Variants in NRDE2 observed in about 807,000 individuals in gnomAD.
The protein encoded by NRDE2 is nuclear exosome regulator NRDE2.
Under a neutral mutation model 124.2 loss-of-function variants are expected in NRDE2, and 76 were observed. The observed-to-expected ratio is 0.61, with a 90% CI of 0.51 to 0.74. The LOEUF (loss-of-function observed/expected upper bound fraction) is 0.74, where lower values mean the gene tolerates loss of function less well. NRDE2 is among the 30% of genes least tolerant of loss of function. NRDE2 has a pLI of 0.00. For missense variants in NRDE2, 1,314 were observed against 1,417.3 expected (o/e 0.93, Z 1.17); for synonymous variants, 489 against 528.1 (o/e 0.93, Z 1.01).
chr14:90,292,224 C>G (rs1402694721), intron 9 of NRDE2, among the ~76,000 whole-genome samples: 1 of 152,204 alleles, frequency 6.6e-6, no homozygotes, highest in Non-Finnish European at 1.5e-5. Context: ...AACATGGACC[C>G]TACGGCCAGT....
At chr14:90,308,078 G>A (rs950379162) in intron 4 of NRDE2, among the ~76,000 whole-genome samples, 7 of 152,264 alleles carry the variant, frequency 4.6e-5, no homozygotes, top group African/African-American at 1.4e-4. Flanking sequence ...TTAGAAGAGT[G>A]TCTGCCATAT....
chr14:90,270,601 C>T lies in NRDE2; in HGVS notation c.*7735G>A. On this transcript the variant is annotated 3_prime_UTR_variant, in exon 14 of 14. Transcript: ENST00000354366. The stretch of plus-strand genomic sequence containing the variant: ...CAAGGCTGAGTCGCTGGTACTAAGC[C>T]TTAGGCCCAGGTGACTTTCTCAAGG... 2.7e-6 allele frequency: 1 copy of T among 370,666 alleles called. No individual in the cohort carries two copies. The highest frequency in any genetic ancestry group is 4.8e-6 in the Non-Finnish European group (1 of 208,676). The allele number at this position is 370,666 out of a possible 1,614,324, so 23.0% of individuals were successfully genotyped here. A position where few individuals can be genotyped will look rare whatever the true frequency, so the allele number is the denominator to read the frequency against.
In NRDE2 at chr14:90,270,838, G is replaced by A. The variant is rs1396518476; in HGVS notation, c.*7498C>T. The stretch of plus-strand genomic sequence containing the variant: ...CCAGCTGACCAGAATTTACAGCAAG[G>A]TCTGGCAGCGTTGAATATGGGTTCT... On this transcript the variant is annotated 3_prime_UTR_variant, in exon 14 of 14. Coordinates refer to ENST00000354366, the MANE Select transcript of NRDE2 (RefSeq NM_017970.4). 2 of 152,352 alleles carry A rather than the reference G, an allele frequency of 1.3e-5. No individual in the cohort carries two copies. The highest frequency in any genetic ancestry group is 6.5e-5 in the Admixed American group (1 of 15,290). 9.4% of individuals were successfully genotyped at this position (152,352 alleles called of 1,614,324 possible).
rs1491397403 is a variant in NRDE2 at position 90,274,838 on chromosome 14, A to ACACCC, written c.*3497_*3498insGGGTG. 4.5e-5 allele frequency: 3 copies of ACACCC among 67,220 alleles called. No homozygotes were observed. Among genetic ancestry groups the ACACCC allele is most frequent in the East Asian group, 3.4e-4 (1 of 2,958 alleles). 4.2% of individuals were successfully genotyped at this position (67,220 alleles called of 1,614,324 possible). ...CACACACACACACACACACACACAC[A>ACACCC]CCCCAATACATATGAATTGATCTGA... On this transcript the variant is annotated 3_prime_UTR_variant, in exon 14 of 14. Transcript: ENST00000354366.
Position 90,268,366 on chromosome 14 carries a change from A to G in NRDE2, c.*9970T>C, listed in dbSNP as rs1439444934. The stretch of plus-strand genomic sequence containing the variant: ...TGTTCCGAGTTGCTGAAGAACATGC[A>G]CCGTCCATCGTGTTTATTGATGAAA... On this transcript the variant is annotated 3_prime_UTR_variant, in exon 14 of 14. Coordinates refer to ENST00000354366, the MANE Select transcript of NRDE2 (RefSeq NM_017970.4). 11 of 1,613,504 alleles carry G rather than the reference A, an allele frequency of 6.8e-6. No homozygotes were observed. Among genetic ancestry groups the G allele is most frequent in the Non-Finnish European group, 6.8e-6 (8 of 1,179,816 alleles).
intron 7 of NRDE2, among the ~76,000 whole-genome samples, chr14:90,300,608 A>T (rs2139686892): frequency 6.6e-6 from 1 of 151,230 alleles, no homozygotes; most frequent in East Asian, 2.0e-4. Flanking sequence ...AAACATTGGC[A>T]ATGCTCGCTT....
intron 13 of NRDE2, 49 bp downstream of exon 13, chr14:90,279,013 G>A: frequency 1.5e-6 from 2 of 1,331,370 alleles, no homozygotes; most frequent in Non-Finnish European, 2.2e-6. Context: ...ACGGAGACCT[G>A]GCGGGAAGTT....
chr14:90,290,185 A>G (rs1892231800), intron 10 of NRDE2, 36 bp downstream of exon 10: 1 of 1,594,714 alleles, frequency 6.3e-7, no homozygotes, highest in African/African-American at 1.3e-5. Context: ...ATGAAATGAA[A>G]AGTCCCCAAA....
chr14:90,289,019 A>G lies in NRDE2; in HGVS notation c.2356T>C (p.Tyr786His). ...NCNNFCLWKQ[Y>H]AHLEWLLGNT... ...CCAAGCAACCACTCCAGATGTGCATACTGCTTCCACAGGCAAAAGTTGTTG... is the reference window on the plus strand; with the variant it reads ...CCAAGCAACCACTCCAGATGTGCATGCTGCTTCCACAGGCAAAAGTTGTTG... The change falls in exon 11 of 14, where the codon TAT becomes CAT. Residue 786 changes from tyrosine to histidine, a missense_variant. Coordinates refer to ENST00000354366, the MANE Select transcript of NRDE2 (RefSeq NM_017970.4). 6.2e-7 allele frequency: 1 copy of G among 1,614,170 alleles called. No individual in the cohort carries two copies. The highest frequency in any genetic ancestry group is 8.5e-7 in the Non-Finnish European group (1 of 1,179,996).
intron 3 of NRDE2, among the ~76,000 whole-genome samples, chr14:90,314,884 TG>T (rs750171811): frequency 6.6e-6 from 1 of 151,672 alleles, no homozygotes; most frequent in Non-Finnish European, 1.5e-5. Flanking sequence ...AGAGCAAGCT[TG>T]GGGGCTGGGT....
At chr14:90,327,419 C>A (rs1187840015) in intron 1 of NRDE2, among the ~76,000 whole-genome samples, 1 of 152,158 alleles carries the variant, frequency 6.6e-6, no homozygotes, top group African/African-American at 2.4e-5. Flanking sequence ...TGTGGTGGTG[C>A]ACACTAGCAG....
At chr14:90,284,223 C>T (rs1451719852) in intron 12 of NRDE2, among the ~76,000 whole-genome samples, 1 of 152,132 alleles carries the variant, frequency 6.6e-6, no homozygotes, top group East Asian at 1.9e-4. Context: ...CGGATACTCG[C>T]TCTGTATCTC....
chr14:90,329,053 A>AT (rs1885565547), intron 1 of NRDE2, among the ~76,000 whole-genome samples: 1 of 152,158 alleles, frequency 6.6e-6, no homozygotes, highest in South Asian at 2.1e-4. Context: ...CTGTGTTTAT[A>AT]TTTTTTCAAA....
chr14:90,294,825 A>C (rs1289308969), intron 8 of NRDE2, among the ~76,000 whole-genome samples: 1 of 152,200 alleles, frequency 6.6e-6, no homozygotes, highest in African/African-American at 2.4e-5. Context: ...TCAATTTTAT[A>C]TTATATTTTA....
intron 13 of NRDE2, chr14:90,278,845 A>G (rs1484266668): frequency 4.6e-5 from 28 of 609,212 alleles, no homozygotes; most frequent in South Asian, 2.7e-4. Context: ...CCACGGCAAC[A>G]CTTCCATGAA....
At chr14:90,297,651 G>A (rs1884223710) in intron 8 of NRDE2, among the ~76,000 whole-genome samples, 1 of 151,930 alleles carries the variant, frequency 6.6e-6, no homozygotes, top group Non-Finnish European at 1.5e-5. Flanking sequence ...AAAAAGAATG[G>A]GGTCGGGCGT....
chr14:90,309,266 G>A (rs578137334), intron 4 of NRDE2, among the ~76,000 whole-genome samples: 2 of 151,212 alleles, frequency 1.3e-5, no homozygotes, highest in East Asian at 3.9e-4. Context: ...CAATCAAGAT[G>A]AATGCAGGCT....
chr14:90,298,582 C>T (rs371779501), intron 7 of NRDE2, among the ~76,000 whole-genome samples: 2 of 152,114 alleles, frequency 1.3e-5, no homozygotes, highest in Non-Finnish European at 2.9e-5. Flanking sequence ...CCAAGATAGC[C>T]CCCATGACCC....
chr14:90,318,246 A>G, intron 1 of NRDE2, 133 bp from the exon 2 acceptor site: 2 of 644,490 alleles, frequency 3.1e-6, no homozygotes, highest in South Asian at 2.0e-5. Context: ...CAGTCAGTCC[A>G]AAGTCCACAG....
Sources: gnomAD v4.1 joint callset for allele counts (sites outside exome capture counted in the v4.1 genomes callset) on GRCh38, gnomAD v4.1.1 for gene constraint, MANE v1.5 for transcripts, NCBI Gene and HGNC (gene_info 2026-07-23, HGNC 2026-07-21) for gene names.